Variants in RPTN observed in about 807,000 individuals in gnomAD.
RPTN encodes the protein repetin.
Under a neutral mutation model 3.6 loss-of-function variants are expected in RPTN, and 4 were observed. The observed-to-expected ratio is 1.12, with a 90% CI of 0.55 to 2.55. RPTN has a LOEUF of 2.55. Ranked by LOEUF, RPTN falls within the 30% of genes most tolerant of loss-of-function variation. RPTN has a pLI of 0.02. For synonymous variants in RPTN, 293 were observed against 319.3 expected (o/e 0.92, Z 0.88); for missense variants, 860 against 916.7 (o/e 0.94, Z 0.80).
chr1:152,157,537 G>A (rs1055647916), intron 2 of RPTN, among the ~76,000 whole-genome samples: 2 of 150,746 alleles, frequency 1.3e-5, no homozygotes, highest in African/African-American at 2.4e-5. Flanking sequence ...ACTCTCTCCT[G>A]TTCAAATTCA....
rs562886954 is a variant in RPTN, at chr1:152,155,667, G to A, written c.1432C>T (p.Pro478Ser). 1 of 1,411,916 alleles carries A rather than the reference G, an allele frequency of 7.1e-7. No homozygotes were observed. Among genetic ancestry groups the A allele is most frequent in the East Asian group, 3.5e-5 (1 of 28,888 alleles). 87.5% of individuals were successfully genotyped at this position (1,411,916 alleles called of 1,614,324 possible). Residue 478 changes from proline (P) to serine (S), a missense_variant, in exon 3 of 3, where the codon CCA (proline) becomes TCA (serine). Pro to Ser is a moderately conservative substitution (Grantham distance 74). Coordinates refer to ENST00000316073, the MANE Select transcript of RPTN (RefSeq NM_001122965.1). ...RQGQSSHYSQ[P>S]DKQGQSSHYG... ...TGGGAACTCTGGCCTTGTTTGTCTGGCTGACTGTAGTGGGAACTCTGGCCT... is the reference window on the plus strand; with the variant it reads ...TGGGAACTCTGGCCTTGTTTGTCTGACTGACTGTAGTGGGAACTCTGGCCT...
Position 152,156,057 on chromosome 1 carries a change from T to A in RPTN, c.1042A>T (p.Arg348Ter). The A allele has an allele frequency of 1.9e-6, 3 of 1,613,578 alleles. No homozygotes were observed. The highest frequency in any genetic ancestry group is 2.5e-6 in the Non-Finnish European group (3 of 1,180,000). Residue 348 changes from arginine (R) to a stop codon, truncating the protein, a stop_gained, in exon 3 of 3, where the codon AGA becomes TGA. Transcript: ENST00000316073. LOFTEE classifies it low-confidence loss of function (END_TRUNC). The part of the protein sequence containing the change: ...GQSSHYGQMD[R>*]KGQCYHYDQT... ...TCATAATGATAACACTGGCCTTTTC[T>A]GTCCATTTGACCATAGTGGGAACTC... is the stretch of plus-strand genomic sequence containing the variant.
rs1659181130 is a variant in RPTN at position 152,155,617 on chromosome 1, G to T, written c.1482C>A (p.Asp494Glu). ...SSHYGKIDRQ[D>E]QSYHYGQPDG... is the part of the protein sequence containing the mutation. ...CTGGCTGACCATAATGATAACTCTGGTCTTGTCTGTCTATCTTACCATAGT... is the reference window on the plus strand; with the variant it reads ...CTGGCTGACCATAATGATAACTCTGTTCTTGTCTGTCTATCTTACCATAGT... Residue 494 changes from aspartate to glutamate, a missense_variant, in exon 3 of 3, where the codon GAC (aspartate) becomes GAA (glutamate). Transcript: ENST00000316073. 9.4e-6 allele frequency: 15 copies of T among 1,595,594 alleles called. No homozygotes were observed. The highest frequency in any genetic ancestry group is 1.3e-5 in the Non-Finnish European group (15 of 1,167,394).
At position 152,155,121 on chromosome 1, in the gene RPTN, G is replaced by A. The variant is rs1031862523; in HGVS notation, c.1978C>T (p.His660Tyr). The change falls in exon 3 of 3, where the codon CAC becomes TAC. Residue 660 changes from histidine to tyrosine, a missense_variant. His to Tyr is a moderately conservative substitution (Grantham distance 83). Transcript: ENST00000316073. ...TGTTGGATTTGTGCTAAGAGTTTGT[G>A]TTGGTGATGTTGGCTATCCTCTTCA... is the stretch of plus-strand genomic sequence containing the variant. ...EPEEDSQHHQ[H>Y]KLLAQIQQER... 5 of 1,614,052 alleles carry A rather than the reference G, an allele frequency of 3.1e-6. No homozygotes were observed. In the African/African-American group the frequency reaches 6.7e-5, roughly 22 times the overall value.
rs1379755425 is a variant in RPTN, at chr1:152,157,896, A to C, written c.-7T>G. ...TATTCAGGAGTTGAGCCATTTTGAC[A>C]AGTACGGGTGAACCTAAAAGAAGAA... On this transcript the variant is annotated 5_prime_UTR_variant, in exon 2 of 3. Transcript: ENST00000316073. 3 of 1,613,622 alleles carry C rather than the reference A, an allele frequency of 1.9e-6. No homozygotes were observed. The highest frequency in any genetic ancestry group is 2.7e-5 in the African/African-American group (2 of 75,002).
At position 152,156,206 on chromosome 1, in the gene RPTN, G is replaced by A. The variant is rs760842504; in HGVS notation, c.893C>T (p.Thr298Met). 38 of 1,613,714 alleles carry A rather than the reference G, an allele frequency of 2.4e-5. No individual in the cohort carries two copies. Among genetic ancestry groups the A allele is most frequent in the East Asian group, 1.6e-4 (7 of 44,844 alleles). ...ATGATAACTCTGGTCTTGTCTGTCC[G>A]TCTGACCGTAGTGGGAACTCTGGCC... Reference protein sequence around the residue: ...RQGQSSHYGQTDRQDQSYHYG... With the variant: ...RQGQSSHYGQMDRQDQSYHYG... Residue 298 changes from threonine to methionine, a missense_variant, in exon 3 of 3, where the codon ACG becomes ATG. Transcript: ENST00000316073.
At chr1:152,157,564 T>C (rs371192010) in intron 2 of RPTN, among the ~76,000 whole-genome samples, 188 bp downstream of exon 2, 1 of 135,972 alleles carries the variant, frequency 7.4e-6, no homozygotes, top group Non-Finnish European at 1.7e-5. Context: ...AGGAGGTGTG[T>C]GTGTGTGTGT....
chr1:152,157,588 T>TGC (rs1360071391), intron 2 of RPTN, among the ~76,000 whole-genome samples, 164 bp downstream of exon 2: 1 of 151,796 alleles, frequency 6.6e-6, no homozygotes, highest in African/African-American at 2.4e-5. Flanking sequence ...TGTGTGTGTG[T>TGC]GTGTGTGTGT....
In RPTN at chr1:152,155,261, G is replaced by A. The variant is rs1181070585; in HGVS notation, c.1838C>T (p.Ser613Leu). Residue 613 changes from serine (S) to leucine (L), a missense_variant, in exon 3 of 3, where the codon TCA (serine) becomes TTA (leucine). Physicochemically the swap from Ser to Leu is moderately radical, Grantham distance 145. Coordinates refer to ENST00000316073, the MANE Select transcript of RPTN (RefSeq NM_001122965.1). ...TTGACTTAGCCTCCCTGATCTTCCTGATTGTTCAACATAAGAGGCTTTTCT... is the reference window on the plus strand; with the variant it reads ...TTGACTTAGCCTCCCTGATCTTCCTAATTGTTCAACATAAGAGGCTTTTCT... ...GTRKASYVEQ[S>L]GRSGRLSQQT... 5.0e-6 allele frequency: 8 copies of A among 1,614,108 alleles called. No individual in the cohort carries two copies. The highest frequency in any genetic ancestry group is 6.8e-6 in the Non-Finnish European group (8 of 1,180,060).
Position 152,156,135 on chromosome 1 carries a change from T to C in RPTN, c.964A>G (p.Thr322Ala). ...RQGQSSHYSQ[T>A]DRQGQSSHYS... Reference sequence around the variant, plus strand: ...TGGGAACTCTGGCCTTGTCTGTCCGTCTGACTGTAGTGGGAACTCTGGCCT... The same window carrying C: ...TGGGAACTCTGGCCTTGTCTGTCCGCCTGACTGTAGTGGGAACTCTGGCCT... Residue 322 changes from threonine to alanine, a missense_variant, in exon 3 of 3, where the codon ACG becomes GCG. Coordinates refer to ENST00000316073, the MANE Select transcript of RPTN (RefSeq NM_001122965.1). The C allele has an allele frequency of 6.2e-7, 1 of 1,612,890 alleles. No individual in the cohort carries two copies.
intron 1 of RPTN, 101 bp from the exon 2 acceptor site, chr1:152,158,010 G>T: frequency 3.2e-6 from 3 of 929,618 alleles, no homozygotes; most frequent in Non-Finnish European, 5.0e-6. Flanking sequence ...GAAAGTTTAA[G>T]AAGTGAGAGA....
Position 152,156,928 on chromosome 1 carries a change from G to A in RPTN, c.171C>T (p.Ile57=). The A allele has an allele frequency of 6.2e-7, 1 of 1,614,010 alleles. No homozygotes were observed. Among genetic ancestry groups the A allele is most frequent in the Non-Finnish European group, 8.5e-7 (1 of 1,179,956 alleles). The change falls in exon 3 of 3, where the codon ATC becomes ATT. Residue 57 remains isoleucine (I), a synonymous_variant. Coordinates refer to ENST00000316073, the MANE Select transcript of RPTN (RefSeq NM_001122965.1). ...CTCGGTCTTGATCTAAGAGGTTCAA[G>A]ATGGTTTCCACAGTCTCTGGGTCAT... The part of the protein sequence containing the change: ...RPNDPETVET[I]LNLLDQDRDG...
chr1:152,154,650 G>T lies in RPTN; in HGVS notation c.*94C>A, dbSNP rs1659153637. 6.6e-7 allele frequency: 1 copy of T among 1,509,382 alleles called. No individual in the cohort carries two copies. The highest frequency in any genetic ancestry group is 8.9e-7 in the Non-Finnish European group (1 of 1,119,262). 93.5% of individuals were successfully genotyped at this position (1,509,382 alleles called of 1,614,324 possible). ...CTTCTGTGGGTCACTTGGGATTTTTGATTCTGAGATCCTTGATACCTCTCT... is the reference window on the plus strand; with the variant it reads ...CTTCTGTGGGTCACTTGGGATTTTTTATTCTGAGATCCTTGATACCTCTCT... On this transcript the variant is annotated 3_prime_UTR_variant, in exon 3 of 3. Transcript: ENST00000316073.
chr1:152,157,188 A>G (rs1160389512), intron 2 of RPTN, among the ~76,000 whole-genome samples: 1 of 152,212 alleles, frequency 6.6e-6, no homozygotes, highest in East Asian at 1.9e-4. Context: ...ATTTATTTAA[A>G]ATCATCTCCA....
Position 152,156,285 on chromosome 1 carries a change from C to T in RPTN, c.814G>A (p.Gly272Arg), listed in dbSNP as rs1340496498. 2 of 1,614,206 alleles carry T rather than the reference C, an allele frequency of 1.2e-6. No homozygotes were observed. The highest frequency in any genetic ancestry group is 2.2e-5 in the South Asian group (2 of 91,084). The change falls in exon 3 of 3, where the codon GGA becomes AGA. Residue 272 changes from glycine to arginine, a missense_variant. Gly to Arg is a moderately radical substitution (Grantham distance 125, BLOSUM62 -2). Transcript: ENST00000316073. ...TCCTGACCTAGCCTCTCAGACTGTC[C>T]ACAATAAGAGCCTGATTTCTGTTGA... is the stretch of plus-strand genomic sequence containing the variant. ...TNQQKSGSYC[G>R]QSERLGQELG...
In RPTN at chr1:152,154,752, G is replaced by A; in HGVS notation, c.2347C>T (p.Gln783Ter). 1 of 1,613,998 alleles carries A rather than the reference G, an allele frequency of 6.2e-7. No individual in the cohort carries two copies. Among genetic ancestry groups the A allele is most frequent in the South Asian group, 1.1e-5 (1 of 91,056 alleles). ...TCATGAGTTTGCCTGTCTCATCTCT[G>A]ATGGTTCTGCTCGTCTTCATGGGTT... ...RQTHEDEQNH[Q>*]R Residue 783 changes from glutamine to a stop codon, truncating the protein, a stop_gained, in exon 3 of 3, where the codon CAG becomes TAG. Transcript: ENST00000316073. LOFTEE classifies it high-confidence loss of function.
In RPTN at chr1:152,157,818, G is replaced by A; in HGVS notation, c.72C>T (p.Asp24=). 6.2e-7 allele frequency: 1 copy of A among 1,613,974 alleles called. No individual in the cohort carries two copies. ...ACTCTTCCTTGCATAGTAAGGCACAGTCCCCATTCCCTTTGGCATATTTGT... is the reference window on the plus strand; with the variant it reads ...ACTCTTCCTTGCATAGTAAGGCACAATCCCCATTCCCTTTGGCATATTTGT... The part of the protein sequence containing the change: ...VFHKYAKGNG[D]CALLCKEELK... The change falls in exon 2 of 3, where the codon GAC becomes GAT. Residue 24 remains aspartate, a synonymous_variant. Transcript: ENST00000316073.
chr1:152,156,087 C>A lies in RPTN; in HGVS notation c.1012G>T (p.Gly338Cys), dbSNP rs148115620. The A allele has an allele frequency of 6.8e-5, 109 of 1,613,806 alleles. No individual in the cohort carries two copies. In the East Asian group the frequency reaches 2.4e-3, roughly 35 times the overall value. Reference protein sequence around the residue: ...SSHYSQPDRQGQSSHYGQMDR... With the variant: ...SSHYSQPDRQCQSSHYGQMDR... ...ATTTGACCATAGTGGGAACTCTGAC[C>A]TTGTCTGTCTGGCTGACTGTAGTGG... is the stretch of plus-strand genomic sequence containing the variant. Residue 338 changes from glycine to cysteine, a missense_variant, in exon 3 of 3, where the codon GGT becomes TGT. Coordinates refer to ENST00000316073, the MANE Select transcript of RPTN (RefSeq NM_001122965.1).
rs756421650 is a variant in RPTN, at chr1:152,154,728, C to T, written c.*16G>A. On this transcript the variant is annotated 3_prime_UTR_variant, in exon 3 of 3. Coordinates refer to ENST00000316073, the MANE Select transcript of RPTN (RefSeq NM_001122965.1). The stretch of plus-strand genomic sequence containing the variant: ...TGTTGCTGATGGTTTTGATCCTCTT[C>T]ATGAGTTTGCCTGTCTCATCTCTGA... 6.2e-7 allele frequency: 1 copy of T among 1,612,958 alleles called. No homozygotes were observed. The highest frequency in any genetic ancestry group is 1.1e-5 in the South Asian group (1 of 90,944).
Sources: gnomAD v4.1 joint callset for allele counts (sites outside exome capture counted in the v4.1 genomes callset) on GRCh38, gnomAD v4.1.1 for gene constraint, MANE v1.5 for transcripts, NCBI Gene and HGNC (gene_info 2026-07-23, HGNC 2026-07-21) for gene names.